The following FBXW5 variants were observed in gnomAD, a reference collection of about 807,000 sequenced individuals.
FBXW5 encodes F-box/WD repeat-containing protein 5.
In FBXW5, 74 loss-of-function variants were observed where a neutral mutation model predicts 50.9. The ratio of observed to expected loss-of-function variants is 1.45; its 90% CI spans 1.20 to 1.76. The LOEUF (loss-of-function observed/expected upper bound fraction) is 1.76, where lower values mean the gene tolerates loss of function less well. FBXW5 is among the 40% of genes most tolerant of loss of function. The pLI is 0.00. For synonymous variants in FBXW5, 523 were observed against 362.2 expected (o/e 1.44, Z -5.04); for missense variants, 1,073 against 818.8 (o/e 1.31, Z -3.79).
intron 2 of FBXW5, 111 bp downstream of exon 2, chr9:136,943,780 A>C (rs1054404866): frequency 3.0e-5 from 37 of 1,251,768 alleles, no homozygotes; most frequent in Middle Eastern, 5.4e-4. Flanking sequence ...TGGGGGGGTG[A>C]GCATGGACAC....
At chr9:136,941,734 CACTCCAGGGCAGCTTCCTA>C in intron 6 of FBXW5, 50 bp from the exon 7 acceptor site, 1 of 1,516,336 alleles carries the variant, frequency 6.6e-7, no homozygotes, top group Non-Finnish European at 8.9e-7. Context: ...CCAAGGACAT[CACTCCAGGGCAGCTTCCTA>C]CCTCAGTGGT....
chr9:136,940,702 G>T lies in FBXW5; in HGVS notation c.*226C>A. ...CCCAGTATCCTGTGTACCCCAAGTT[G>T]CCCAGGAGGCCGAGGGGGCCTTGGG... On this transcript the variant is annotated 3_prime_UTR_variant, in exon 9 of 9. Transcript: ENST00000325285. 1.6e-6 allele frequency: 1 copy of T among 638,740 alleles called. No individual in the cohort carries two copies. Among genetic ancestry groups the T allele is most frequent in the Non-Finnish European group, 2.6e-6 (1 of 380,950 alleles). The allele number at this position is 638,740 out of a possible 1,614,324, so 39.6% of individuals were successfully genotyped here.
At position 136,940,799 on chromosome 9, in the gene FBXW5, G is replaced by T; in HGVS notation, c.*129C>A. The T allele has an allele frequency of 7.4e-7, 1 of 1,353,196 alleles. No homozygotes were observed. Among genetic ancestry groups the T allele is most frequent in the Non-Finnish European group, 9.9e-7 (1 of 1,012,626 alleles). The allele number at this position is 1,353,196 out of a possible 1,614,324, so 83.8% of individuals were successfully genotyped here. A position where few individuals can be genotyped will look rare whatever the true frequency, so the allele number is the denominator to read the frequency against. On this transcript the variant is annotated 3_prime_UTR_variant, in exon 9 of 9. Coordinates refer to ENST00000325285, the MANE Select transcript of FBXW5 (RefSeq NM_018998.4). ...GCAGGTTTGTGTGTGAGCGTGTGGC[G>T]GGGCCTGGTTGTCCCCTTCCTAAGG...
Position 136,942,790 on chromosome 9 carries a change from C to T in FBXW5, c.505G>A (p.Glu169Lys), listed in dbSNP as rs774723521. ...TCACCTAGGCTGATGACAGCAATCTCGCCGGATGAGGAGTTGTGCGGCCCC... is the reference window on the plus strand; with the variant it reads ...TCACCTAGGCTGATGACAGCAATCTTGCCGGATGAGGAGTTGTGCGGCCCC... Reference protein sequence around the residue: ...FLGPHNSSSGEIAVISLDSFA... With the variant: ...FLGPHNSSSGKIAVISLDSFA... The change falls in exon 4 of 9, where the codon GAG becomes AAG. Residue 169 changes from glutamate (E) to lysine (K), a missense_variant. Coordinates refer to ENST00000325285, the MANE Select transcript of FBXW5 (RefSeq NM_018998.4). 10 of 1,612,818 alleles carry T rather than the reference C, an allele frequency of 6.2e-6. No individual in the cohort carries two copies. Among genetic ancestry groups the T allele is most frequent in the Middle Eastern group, 1.6e-4 (1 of 6,084 alleles).
intron 1 of FBXW5, 143 bp downstream of exon 1, chr9:136,944,451 C>T (rs1467348564): frequency 1.8e-5 from 17 of 959,782 alleles, no homozygotes; most frequent in East Asian, 1.1e-4. Flanking sequence ...TGGCCTCCGC[C>T]CTGCGGCCCT....
Position 136,944,071 on chromosome 9 carries a change from C to G in FBXW5, c.13G>C (p.Gly5Arg), listed in dbSNP as rs1376040011. The G allele has an allele frequency of 6.3e-7, 1 of 1,595,832 alleles. No individual in the cohort carries two copies. The highest frequency in any genetic ancestry group is 1.3e-5 in the African/African-American group (1 of 74,474). The change falls in exon 2 of 9, where the codon GGC becomes CGC. Residue 5 changes from glycine to arginine, a missense_variant. Physicochemically the swap from Gly to Arg is moderately radical, Grantham distance 125. Transcript: ENST00000325285. ...AGGCTGTCGGGGAGCAGGGGCGTGCCGCCCTCGTCCATCGTGACATTCTGC... is the reference window on the plus strand; with the variant it reads ...AGGCTGTCGGGGAGCAGGGGCGTGCGGCCCTCGTCCATCGTGACATTCTGC... MDEG[G>R]TPLLPDSLVY...
At chr9:136,943,777 G>C (rs1850909372) in intron 2 of FBXW5, 114 bp downstream of exon 2, 9 of 1,231,184 alleles carry the variant, frequency 7.3e-6, no homozygotes, top group South Asian at 1.5e-5. Flanking sequence ...GTGTGGGGGG[G>C]TGAGCATGGA....
In FBXW5 at chr9:136,943,390, C is replaced by T. The variant is rs1160221780; in HGVS notation, c.310G>A (p.Gly104Arg). The T allele has an allele frequency of 1.9e-6, 3 of 1,612,902 alleles. No individual in the cohort carries two copies. Among genetic ancestry groups the T allele is most frequent in the Non-Finnish European group, 2.5e-6 (3 of 1,179,954 alleles). The stretch of plus-strand genomic sequence containing the variant: ...TTGGAGCAGGACGCGAACTGGTACC[C>T]GGAATGGGAGAAGCTGAGGTGCAGG... ...QVLHLSFSHS[G>R]YQFASCSKDC... The change falls in exon 3 of 9, where the codon GGG becomes AGG. Residue 104 changes from glycine to arginine, a missense_variant. Coordinates refer to ENST00000325285, the MANE Select transcript of FBXW5 (RefSeq NM_018998.4).
rs1044065589 is a variant in FBXW5 at position 136,940,750 on chromosome 9, G to A, written c.*178C>T. 29 of 1,077,096 alleles carry A rather than the reference G, an allele frequency of 2.7e-5. No homozygotes were observed. The highest frequency in any genetic ancestry group is 1.3e-4 in the African/African-American group (8 of 62,764). 66.7% of individuals were successfully genotyped at this position (1,077,096 alleles called of 1,614,324 possible). On this transcript the variant is annotated 3_prime_UTR_variant, in exon 9 of 9. Transcript: ENST00000325285. ...GGGCTCCATCTGCACTGGCCACCCC[G>A]TGCCAAGCATCACAGCTGCGTGAGC...
chr9:136,943,978 A>C lies in FBXW5; in HGVS notation c.106T>G (p.Trp36Gly), dbSNP rs751513875. Residue 36 changes from tryptophan to glycine, a missense_variant, in exon 2 of 9, where the codon TGG becomes GGG. Physicochemically the swap from Trp to Gly is radical, Grantham distance 184. Coordinates refer to ENST00000325285, the MANE Select transcript of FBXW5 (RefSeq NM_018998.4). The part of the protein sequence containing the change: ...VLAAGLVCRQ[W>G]QAVSRDEFLW... ...AACTCGTCCCGCGACACGGCCTGCC[A>C]TTGGCGGCACACCAGCCCGGCGGCC... 3 of 1,580,720 alleles carry C rather than the reference A, an allele frequency of 1.9e-6. No individual in the cohort carries two copies. The highest frequency in any genetic ancestry group is 2.6e-6 in the Non-Finnish European group (3 of 1,164,778).
chr9:136,942,995 G>A lies in FBXW5; in HGVS notation c.352-52C>T, dbSNP rs772814123. 24 of 1,608,040 alleles carry A rather than the reference G, an allele frequency of 1.5e-5. No homozygotes were observed. In the Admixed American group the frequency reaches 4.0e-4, roughly 27 times the overall value. ...TCGCCTGGCCAGGTCGCGGGGCGGG[G>A]GCCTGCTACTACACAGCCATGAGGC... On this transcript the variant is annotated intron_variant, in intron 3 of 8. Coordinates refer to ENST00000325285, the MANE Select transcript of FBXW5 (RefSeq NM_018998.4).
At chr9:136,941,485 A>C in intron 7 of FBXW5, 22 bp from the exon 8 acceptor site, 1 of 1,605,724 alleles carries the variant, frequency 6.2e-7, no homozygotes, top group East Asian at 2.2e-5. Flanking sequence ...GCACTGTGCT[A>C]GGTGTGGGCC....
chr9:136,942,530 C>T lies in FBXW5; in HGVS notation c.675+17G>A, dbSNP rs1850823455. The T allele has an allele frequency of 1.9e-6, 3 of 1,605,822 alleles. No homozygotes were observed. Among genetic ancestry groups the T allele is most frequent in the Non-Finnish European group, 2.6e-6 (3 of 1,174,764 alleles). On this transcript the variant is annotated intron_variant, in intron 5 of 8. Transcript: ENST00000325285. ...CAGGCCCCAGGAGGGCAGCCCCGCCCCTAGCCCCGCACGCACCTGGAAGGC... is the reference window on the plus strand; with the variant it reads ...CAGGCCCCAGGAGGGCAGCCCCGCCTCTAGCCCCGCACGCACCTGGAAGGC...
rs12346933 is a variant in FBXW5, at chr9:136,943,257, C to A, written c.351+92G>T. On this transcript the variant is annotated intron_variant, in intron 3 of 8. Coordinates refer to ENST00000325285, the MANE Select transcript of FBXW5 (RefSeq NM_018998.4). The stretch of plus-strand genomic sequence containing the variant: ...ACCTCTGGCCTGACCCACCCCCCCC[C>A]CCACCACCACCTGGTTGGAACGCCT... The A allele has an allele frequency of 0.13, 159,841 of 1,225,290 alleles. 18,537 individuals carry two copies. Among genetic ancestry groups the A allele is most frequent in the African/African-American group, 0.2 (13,884 of 68,306 alleles). 75.9% of individuals were successfully genotyped at this position (1,225,290 alleles called of 1,614,324 possible).
At position 136,942,572 on chromosome 9, in the gene FBXW5, A is replaced by T. The variant is rs761571145; in HGVS notation, c.650T>A (p.Val217Glu). The T allele has an allele frequency of 6.2e-7, 1 of 1,611,778 alleles. No homozygotes were observed. Among genetic ancestry groups the T allele is most frequent in the Admixed American group, 1.7e-5 (1 of 59,888 alleles). The change falls in exon 5 of 9, where the codon GTG (valine) becomes GAG (glutamate). Residue 217 changes from valine (V) to glutamate (E), a missense_variant. Coordinates refer to ENST00000325285, the MANE Select transcript of FBXW5 (RefSeq NM_018998.4). ...HRIGDITSCSVLWLNNAFQDV... is the reference protein window; with the variant it reads ...HRIGDITSCSELWLNNAFQDV... ...CTGGAAGGCATTGTTGAGCCACAGC[A>T]CCGAGCAGGAGGTGATATCTCCGAT...
At chr9:136,943,060 A>G (rs1031998434) in intron 3 of FBXW5, 117 bp from the exon 4 acceptor site, 6 of 1,502,198 alleles carry the variant, frequency 4.0e-6, no homozygotes, top group Admixed American at 3.4e-5. Flanking sequence ...ACCAGGGAGC[A>G]GGGACCCCTT....
chr9:136,942,891 G>A lies in FBXW5; in HGVS notation c.404C>T (p.Pro135Leu), dbSNP rs374269642. Residue 135 changes from proline to leucine, a missense_variant, in exon 4 of 9, where the codon CCC becomes CTC. By Grantham distance (98) the Pro-to-Leu change is moderately conservative (BLOSUM62 -3). Coordinates refer to ENST00000325285, the MANE Select transcript of FBXW5 (RefSeq NM_018998.4). ...GAACTGGGTGTAGCTCCAGTTGTAGGGCCGCATGTCCGCGCTGTGCAGCAG... is the reference window on the plus strand; with the variant it reads ...GAACTGGGTGTAGCTCCAGTTGTAGAGCCGCATGTCCGCGCTGTGCAGCAG... ...ISLLHSADMR[P>L]YNWSYTQFSQ... 6.2e-7 allele frequency: 1 copy of A among 1,613,410 alleles called. No homozygotes were observed. The highest frequency in any genetic ancestry group is 1.3e-5 in the African/African-American group (1 of 74,906).
chr9:136,941,266 CT>C lies in FBXW5; in HGVS notation c.1441del (p.Arg481GlyfsTer123), dbSNP rs1564432492. 1 of 1,606,020 alleles carries C rather than the reference CT, an allele frequency of 6.2e-7. No homozygotes were observed. The highest frequency in any genetic ancestry group is 1.1e-5 in the South Asian group (1 of 91,008). ...CGCCCTGCACCTGGCCACGAAGTCC[CT>C]GCTGACGTCCAGGAAGATGAAGAAG... is the stretch of plus-strand genomic sequence containing the variant. ...ECFFIFLDVS[R>X]DFVASGAEDR... On this transcript the variant is annotated frameshift_variant, in exon 8 of 9. Transcript: ENST00000325285. LOFTEE classifies it high-confidence loss of function.
rs749213136 is a variant in FBXW5, at chr9:136,943,448, C to T, written c.252G>A (p.Glu84=). The change falls in exon 3 of 9, where the codon GAG becomes GAA. Residue 84 remains glutamate, a synonymous_variant. Transcript: ENST00000325285. ...CTGTGTGTTCCCGCAGCGTCTGCAC[C>T]TCCACGCAGGGCACCGTGTCATACA... The part of the protein sequence containing the change: ...QRLYDTVPCV[E]VQTLREHTDQ... 5 of 1,612,826 alleles carry T rather than the reference C, an allele frequency of 3.1e-6. No individual in the cohort carries two copies. Among genetic ancestry groups the T allele is most frequent in the Non-Finnish European group, 4.2e-6 (5 of 1,179,948 alleles).
Sources: gnomAD v4.1 joint callset for allele counts on GRCh38, gnomAD v4.1.1 for gene constraint, MANE v1.5 for transcripts, NCBI Gene and HGNC (gene_info 2026-07-23, HGNC 2026-07-21) for gene names.